The following SYNM variants were observed in gnomAD, a reference collection of about 807,000 sequenced individuals.
The protein encoded by SYNM is desmuslin.
SYNM carries 95 observed loss-of-function variants against 104.0 expected under a neutral mutation model. That is an observed-to-expected ratio of 0.91 (90% CI 0.77 to 1.08). The LOEUF is 1.08. Among genes scored for constraint, SYNM ranks in the 50% least tolerant of loss-of-function variants. The probability of loss-of-function intolerance (pLI) is 0.00; values close to 1 mark genes in which losing one functional copy is unlikely to be tolerated. For missense variants in SYNM, 2,150 were observed against 2,052.2 expected (o/e 1.05, Z -0.92); for synonymous variants, 918 against 869.0 (o/e 1.06, Z -0.99).
chr15:99,121,435 A>C (rs1567279291), intron 2 of SYNM, among the ~76,000 whole-genome samples: 1 of 152,106 alleles, frequency 6.6e-6, no homozygotes, highest in African/African-American at 2.4e-5. Flanking sequence ...CTGTGGTAGG[A>C]GGGAGGAGCC....
Position 99,131,546 on chromosome 15 carries a change from C to G in SYNM, c.3186C>G (p.Gly1062=). 12 of 1,608,726 alleles carry G rather than the reference C, an allele frequency of 7.5e-6. No homozygotes were observed. The highest frequency in any genetic ancestry group is 1.0e-5 in the Non-Finnish European group (12 of 1,179,708). ...EEGGAEAPAA[G]IRFRRWATRE... Reference sequence around the variant, plus strand: ...GTGGAGCGGAGGCCCCGGCTGCTGGCATTCGCTTTAGGCGTTGGGCCACCC... The same window carrying G: ...GTGGAGCGGAGGCCCCGGCTGCTGGGATTCGCTTTAGGCGTTGGGCCACCC... The change falls in exon 4 of 4, where the codon GGC becomes GGG. Residue 1062 remains glycine, a synonymous_variant. Transcript: ENST00000336292. The surrounding 1 kb of genome is among the most constrained non-coding windows in gnomAD (Gnocchi z 4.3).
chr15:99,124,672 G>A (rs1434853659), intron 2 of SYNM, among the ~76,000 whole-genome samples: 1 of 152,154 alleles, frequency 6.6e-6, no homozygotes, highest in East Asian at 1.9e-4. Context: ...TAGTGGTATC[G>A]CAGGGGAGGG....
chr15:99,131,058 G>T lies in SYNM; in HGVS notation c.2698G>T (p.Gly900Trp). 1 of 1,606,944 alleles carries T rather than the reference G, an allele frequency of 6.2e-7. No individual in the cohort carries two copies. Among genetic ancestry groups the T allele is most frequent in the Non-Finnish European group, 8.5e-7 (1 of 1,176,498 alleles). ...GGATGTCCCAGCGCCCTCTCTGGAG[G>T]GGGACCTGGGTTCCACTCACTGGAA... ...PLDVPAPSLE[G>W]DLGSTHWKEQ... is the part of the protein sequence containing the mutation. Residue 900 changes from glycine (G) to tryptophan (W), a missense_variant, in exon 4 of 4, where the codon GGG (glycine) becomes TGG (tryptophan). Transcript: ENST00000336292. The surrounding 1 kb of genome is among the most constrained non-coding windows in gnomAD (Gnocchi z 4.3).
At chr15:99,137,817 C>T (rs902424381), downstream of SYNM, 5 of 852,616 alleles carry the variant, frequency 5.9e-6, no homozygotes. Context: ...CATATATCAC[C>T]CTGAAGGGCA....
At chr15:99,141,224 T>A in the SYNM span, among the ~76,000 whole-genome samples, 1 of 152,210 alleles carries the variant, frequency 6.6e-6, no homozygotes, top group African/African-American at 2.4e-5. Context: ...TATATGTATG[T>A]GATATATAAA....
intron 2 of SYNM, among the ~76,000 whole-genome samples, chr15:99,126,411 G>A (rs2067447935): frequency 6.6e-6 from 1 of 152,208 alleles, no homozygotes. Context: ...TTTCTAGAAG[G>A]GCTTGGCTCG....
At chr15:99,112,803 T>G (rs1416882291) in intron 1 of SYNM, among the ~76,000 whole-genome samples, 3 of 152,350 alleles carry the variant, frequency 2.0e-5, no homozygotes, top group Admixed American at 6.5e-5. Context: ...CTCCGCCTAC[T>G]GAGTTCAAGT....
Position 99,134,518 on chromosome 15 carries a change from C to T in SYNM, c.*1460C>T, listed in dbSNP as rs1038108805. ...CTTCTTTCACATAATGCTGTCTCAG[C>T]TGTATTTCCAGTAACACAGCATCAT... On this transcript the variant is annotated 3_prime_UTR_variant, in exon 4 of 4. Transcript: ENST00000336292. 2.0e-5 allele frequency: 3 copies of T among 152,212 alleles called. No individual in the cohort carries two copies. Among genetic ancestry groups the T allele is most frequent in the Non-Finnish European group, 4.4e-5 (3 of 68,038 alleles). The allele number at this position is 152,212 out of a possible 1,614,324, so 9.4% of individuals were successfully genotyped here.
chr15:99,140,739 G>C, the SYNM span: 1 of 147,554 alleles, frequency 6.8e-6, no homozygotes, highest in African/African-American at 2.7e-5. Context: ...GTGAAAGACT[G>C]ATAAAATGTA....
At position 99,126,823 on chromosome 15, in the gene SYNM, T is replaced by G. The variant is rs2067452740; in HGVS notation, c.1006+31T>G. The G allele has an allele frequency of 3.9e-6, 6 of 1,549,490 alleles. No homozygotes were observed. In the South Asian group the frequency reaches 7.2e-5, roughly 19 times the overall value. ...TAAAAGCTAATGACTTGACTTAGCT[T>G]TAGGCATCTGAACTGTTTATTCTGT... On this transcript the variant is annotated intron_variant, in intron 3 of 3. Coordinates refer to ENST00000336292, the MANE Select transcript of SYNM (RefSeq NM_145728.3).
chr15:99,124,307 A>T (rs1341489273), intron 2 of SYNM, among the ~76,000 whole-genome samples: 1 of 152,156 alleles, frequency 6.6e-6, no homozygotes, highest in Non-Finnish European at 1.5e-5. Context: ...AGTCTTGTTG[A>T]TGCTTTCGCC....
intron 2 of SYNM, among the ~76,000 whole-genome samples, chr15:99,114,362 T>A (rs2151801032): frequency 6.6e-6 from 1 of 152,056 alleles, no homozygotes; most frequent in Middle Eastern, 3.4e-3. Context: ...TGGGGAAAAT[T>A]GCTCCCATGA....
At chr15:99,126,858 G>A in intron 3 of SYNM, 66 bp downstream of exon 3, 3 of 1,410,468 alleles carry the variant, frequency 2.1e-6, no homozygotes, top group Non-Finnish European at 2.9e-6. Context: ...TGGCTAGATA[G>A]TAAAGCACCA....
At chr15:99,119,202 C>T (rs747572685) in intron 2 of SYNM, among the ~76,000 whole-genome samples, 28 of 152,308 alleles carry the variant, frequency 1.8e-4, no homozygotes, top group Non-Finnish European at 3.4e-4. Flanking sequence ...CAGGTGGAAC[C>T]GGCACAGTGG....
chr15:99,120,230 C>T (rs1555484383), intron 2 of SYNM, among the ~76,000 whole-genome samples: 1 of 152,186 alleles, frequency 6.6e-6, no homozygotes, highest in Non-Finnish European at 1.5e-5. Flanking sequence ...TACTGGGATG[C>T]TGGGCAGATG....
chr15:99,138,163 C>A, downstream of SYNM: 1 of 1,607,456 alleles, frequency 6.2e-7, no homozygotes, highest in Non-Finnish European at 8.5e-7. Flanking sequence ...AGTGTGGTGC[C>A]CCTCAGCCCC....
In SYNM at chr15:99,130,291, C is replaced by T. The variant is rs1353417085; in HGVS notation, c.1931C>T (p.Thr644Ile). ...MTETVAENIV[T>I]SILKQFTQSP... ...GAAACCGTAGCAGAAAACATCGTTA[C>T]CAGTATCCTGAAGCAGTTCACTCAG... The change falls in exon 4 of 4, where the codon ACC becomes ATC. Residue 644 changes from threonine (T) to isoleucine (I), a missense_variant. Thr to Ile is a moderately conservative substitution (Grantham distance 89). Coordinates refer to ENST00000336292, the MANE Select transcript of SYNM (RefSeq NM_145728.3). 1.2e-6 allele frequency: 2 copies of T among 1,613,848 alleles called. No homozygotes were observed. The highest frequency in any genetic ancestry group is 1.3e-5 in the African/African-American group (1 of 74,922).
chr15:99,139,478 A>C, downstream of SYNM: 2 of 1,595,372 alleles, frequency 1.3e-6, no homozygotes, highest in South Asian at 2.3e-5. Context: ...CTTGAATGAG[A>C]GAAAGATGAC....
intron 2 of SYNM, among the ~76,000 whole-genome samples, chr15:99,126,157 T>A (rs1460793877): frequency 6.6e-6 from 1 of 152,166 alleles, no homozygotes; most frequent in African/African-American, 2.4e-5. Context: ...GCCTTCTACT[T>A]CTTTTTGTCG....
Sources: gnomAD v4.1 joint callset for allele counts (sites outside exome capture counted in the v4.1 genomes callset) on GRCh38, gnomAD v4.1.1 for gene constraint, Gnocchi (gnomAD v3.1) non-coding constraint, MANE v1.5 for transcripts, NCBI Gene and HGNC (gene_info 2026-07-23, HGNC 2026-07-21) for gene names.